MGAT4D: variants seen among roughly 807,000 people sequenced by gnomAD.
MGAT4D encodes the protein alpha-1,3-mannosyl-glycoprotein 4-beta-N-acetylglucosaminyltransferase-like protein MGAT4D.
MGAT4D carries 34 observed loss-of-function variants against 15.9 expected under a neutral mutation model. The observed-to-expected ratio is 2.14, with a 90% CI of 1.62 to 2.84. The LOEUF is 2.84. Ranked by LOEUF, MGAT4D falls within the 30% of genes most tolerant of loss-of-function variation. MGAT4D has a pLI of 0.00. For missense variants in MGAT4D, 327 were observed against 140.2 expected (o/e 2.33, Z -6.73); for synonymous variants, 112 against 48.2 (o/e 2.33, Z -5.49).
At chr4:140,480,564 T>G (rs757598068) in intron 2 of MGAT4D, among the ~76,000 whole-genome samples, 15 of 152,024 alleles carry the variant, frequency 9.9e-5, no homozygotes, top group Admixed American at 5.9e-4. Flanking sequence ...TGTCACCAAC[T>G]GAAAGAAAGT....
intron 4 of MGAT4D, among the ~76,000 whole-genome samples, chr4:140,472,412 G>A (rs946850051): frequency 5.3e-5 from 8 of 152,154 alleles, no homozygotes; most frequent in South Asian, 4.1e-4. Context: ...AAAAAATAAC[G>A]TGGCATTTAC....
intron 3 of MGAT4D, among the ~76,000 whole-genome samples, chr4:140,477,044 C>T (rs1732382952): frequency 6.6e-6 from 1 of 152,106 alleles, no homozygotes; most frequent in South Asian, 2.1e-4. Context: ...TGGCCTGTGT[C>T]CATGGTCTTG....
intron 1 of MGAT4D, among the ~76,000 whole-genome samples, chr4:140,496,043 T>C (rs988234180): frequency 7.2e-5 from 11 of 152,190 alleles, no homozygotes; most frequent in African/African-American, 2.4e-4. Flanking sequence ...TGGCAAAATT[T>C]AGTTAATTTT....
intron 1 of MGAT4D, among the ~76,000 whole-genome samples, chr4:140,492,146 T>TG (rs761592453): frequency 1.3e-5 from 2 of 151,956 alleles, no homozygotes; most frequent in South Asian, 2.1e-4. Flanking sequence ...AGTTGCCTTG[T>TG]GGGGGGGAAA....
intron 1 of MGAT4D, among the ~76,000 whole-genome samples, chr4:140,495,691 AG>A (rs1733790747): frequency 6.6e-6 from 1 of 152,228 alleles, no homozygotes; most frequent in African/African-American, 2.4e-5. Flanking sequence ...ATGAACAAAA[AG>A]GTTATCTATC....
intron 10 of MGAT4D, among the ~76,000 whole-genome samples, chr4:140,444,270 G>GTGTAAATTTGTGTACACATGTATACATGT (rs1283392816): frequency 5.9e-5 from 9 of 151,984 alleles, no homozygotes; most frequent in African/African-American, 2.2e-4. Context: ...TTGTTATATA[G>GTGTAAATTTGTGTACACATGTATACATGT]GTAAATTTGT....
intron 4 of MGAT4D, among the ~76,000 whole-genome samples, chr4:140,474,437 T>A (rs1002066150): frequency 2.6e-5 from 4 of 152,206 alleles, no homozygotes; most frequent in African/African-American, 9.6e-5. Context: ...TATACCAAAC[T>A]CTTATTGGAC....
At chr4:140,486,500 C>T (rs954044116) in intron 1 of MGAT4D, among the ~76,000 whole-genome samples, 1 of 152,130 alleles carries the variant, frequency 6.6e-6, no homozygotes, top group Non-Finnish European at 1.5e-5. Context: ...AGCCACCCAC[C>T]CCGAAACAGG....
rs557442998 is a variant in MGAT4D at position 140,474,897 on chromosome 4, G to T, written c.441C>A (p.Tyr147Ter). 1.4e-6 allele frequency: 1 copy of T among 698,492 alleles called. No individual in the cohort carries two copies. Among genetic ancestry groups the T allele is most frequent in the East Asian group, 2.7e-5 (1 of 36,946 alleles). The allele number at this position is 698,492 out of a possible 1,614,324, so 43.3% of individuals were successfully genotyped here. A position where few individuals can be genotyped will look rare whatever the true frequency, so the allele number is the denominator to read the frequency against. ...ISTVNRGNYS[Y>*]LKQTLTSVVS... ...CAACAGAGGTCAGTGTCTGTTTCAG[G>T]TAACTATAATTTCCTCTGTTAACAG... The change falls in exon 4 of 11, where the codon TAC becomes TAA. Residue 147 changes from tyrosine to a stop codon, truncating the protein, a stop_gained. Coordinates refer to ENST00000511113, the MANE Select transcript of MGAT4D (RefSeq NM_001277353.2). LOFTEE classifies it high-confidence loss of function.
At chr4:140,483,157 T>C (rs935912628) in intron 1 of MGAT4D, among the ~76,000 whole-genome samples, 2 of 152,158 alleles carry the variant, frequency 1.3e-5, no homozygotes, top group African/African-American at 4.8e-5. Flanking sequence ...TCAGAGCTGT[T>C]GTGAAGATGT....
chr4:140,451,418 A>G lies in MGAT4D; in HGVS notation c.1108T>C (p.Tyr370His), dbSNP rs1237164715. Residue 370 changes from tyrosine (Y) to histidine (H), a missense_variant, in exon 10 of 11, where the codon TAT becomes CAT. Tyr to His is a moderately conservative substitution (Grantham distance 83). Transcript: ENST00000511113. ...ACATTTCAAAATCTTACTTTTTCAT[A>G]TTGTTCTTTTCTAGGGAATGATGAA... ...IHSSFPRKEQ[Y>H]EKKI The G allele has an allele frequency of 1.7e-6, 1 of 594,670 alleles. No homozygotes were observed. The highest frequency in any genetic ancestry group is 2.9e-5 in the East Asian group (1 of 34,254). The allele number at this position is 594,670 out of a possible 1,614,324, so 36.8% of individuals were successfully genotyped here.
At chr4:140,481,503 T>C (rs1732728368) in intron 2 of MGAT4D, among the ~76,000 whole-genome samples, 1 of 152,198 alleles carries the variant, frequency 6.6e-6, no homozygotes, top group Non-Finnish European at 1.5e-5. Context: ...CAAACACATG[T>C]ACATGAATGC....
intron 1 of MGAT4D, among the ~76,000 whole-genome samples, chr4:140,497,084 AT>A: frequency 6.6e-6 from 1 of 152,330 alleles, no homozygotes; most frequent in East Asian, 1.9e-4. Flanking sequence ...TATTTTGTGT[AT>A]ATGATGATAA....
chr4:140,469,966 C>A (rs1202607635), intron 5 of MGAT4D, among the ~76,000 whole-genome samples: 3 of 152,250 alleles, frequency 2.0e-5, no homozygotes, highest in African/African-American at 7.2e-5. Context: ...ACCGGTTGGC[C>A]TCTGCCTGCG....
intron 10 of MGAT4D, among the ~76,000 whole-genome samples, chr4:140,445,073 T>G (rs966947152): frequency 4.0e-5 from 6 of 151,868 alleles, no homozygotes; most frequent in African/African-American, 1.5e-4. Flanking sequence ...TTAGTAGAGA[T>G]GGGGTTTCAC....
chr4:140,464,781 A>G, intron 6 of MGAT4D, 115 bp downstream of exon 6: 2 of 622,962 alleles, frequency 3.2e-6, no homozygotes, highest in South Asian at 1.9e-5. Context: ...GCAACCCAGT[A>G]GAAGCCAGCT....
intron 1 of MGAT4D, among the ~76,000 whole-genome samples, chr4:140,493,132 G>A (rs1733610489): frequency 2.0e-5 from 3 of 152,040 alleles, no homozygotes; most frequent in Non-Finnish European, 4.4e-5. Context: ...ACATAGGTAA[G>A]TTCCGCAACA....
rs1192210905 is a variant in MGAT4D, at chr4:140,461,993, T to A, written c.698A>T (p.Lys233Ile). The A allele has an allele frequency of 4.3e-6, 3 of 701,242 alleles. No individual in the cohort carries two copies. In the South Asian group the frequency reaches 4.5e-5, roughly 10 times the overall value. 43.4% of individuals were successfully genotyped at this position (701,242 alleles called of 1,614,324 possible). The change falls in exon 7 of 11, where the codon AAA (lysine) becomes ATA (isoleucine). Residue 233 changes from lysine (K) to isoleucine (I), a missense_variant. Physicochemically the swap from Lys to Ile is moderately radical, Grantham distance 102 (BLOSUM62 -3). Coordinates refer to ENST00000511113, the MANE Select transcript of MGAT4D (RefSeq NM_001277353.2). The stretch of plus-strand genomic sequence containing the variant: ...CAAAATGCAAAAATCCAATACCTGT[T>A]TGATTCGCCAACTAAAGGTAATCAA... The part of the protein sequence containing the change: ...ASQKLASWRI[K>I]QVLDFCILLL...
intron 9 of MGAT4D, among the ~76,000 whole-genome samples, chr4:140,453,641 A>T (rs1431372529): frequency 6.6e-6 from 1 of 151,772 alleles, no homozygotes; most frequent in African/African-American, 2.4e-5. Flanking sequence ...TCATGGGGTA[A>T]ATTTCCCCCA....
Sources: allele counts gnomAD v4.1 joint callset (sites outside exome capture counted in the v4.1 genomes callset), GRCh38; gene constraint gnomAD v4.1.1; transcripts MANE v1.5; gene names NCBI Gene and HGNC (gene_info 2026-07-23, HGNC 2026-07-21).